The following MCPH1 variants were observed in gnomAD, a reference collection of about 807,000 sequenced individuals.
MCPH1 encodes microcephalin 1, also known as microcephalin.
Under a neutral mutation model 84.5 loss-of-function variants are expected in MCPH1, and 104 were observed. The observed-to-expected ratio is 1.23, with a 90% CI of 1.05 to 1.45. The LOEUF (loss-of-function observed/expected upper bound fraction) is 1.45. Ranked by LOEUF, MCPH1 falls within the 40% of genes most tolerant of loss-of-function variation. The pLI is 0.00. For synonymous variants in MCPH1, 514 were observed against 366.8 expected (o/e 1.40, Z -4.58); for missense variants, 1,498 against 1,005.7 (o/e 1.49, Z -6.62).
chr8:6,437,896 C>T (rs569599025), intron 5 of MCPH1, among the ~76,000 whole-genome samples: 1 of 152,206 alleles, frequency 6.6e-6, no homozygotes, highest in African/African-American at 2.4e-5. Context: ...TTACGCTGCC[C>T]TCCACTGTCT....
At position 6,592,639 on chromosome 8, in the gene MCPH1, T is replaced by C. The variant is rs866992130; in HGVS notation, c.2215-28815T>C. ...CTTTTTTTTGTTTTTTTTTTTTTTT[T>C]TTTTGTTGCTGTTGTTGTTTGTTTG... On this transcript the variant is annotated intron_variant, in intron 12 of 13. Transcript: ENST00000344683. Among the ~76,000 whole-genome samples the C allele has an allele frequency of 5.7e-5, 8 of 141,186 alleles. No homozygotes were observed. In the East Asian group the frequency reaches 1.6e-3, roughly 29 times the overall value. The allele number at this position is 141,186 out of a possible 152,430, so 92.6% of individuals were successfully genotyped here.
intron 11 of MCPH1, among the ~76,000 whole-genome samples, chr8:6,493,397 T>C (rs899176879): frequency 2.6e-5 from 4 of 152,224 alleles, no homozygotes; most frequent in Non-Finnish European, 4.4e-5. Context: ...TAGGTCAACA[T>C]GCAGCTTGTT....
At chr8:6,545,861 G>C (rs1327164955) in intron 12 of MCPH1, among the ~76,000 whole-genome samples, 3 of 152,210 alleles carry the variant, frequency 2.0e-5, no homozygotes, top group Admixed American at 2.0e-4. Flanking sequence ...ATTGAATTTA[G>C]TTCTGCTTTG....
At chr8:6,439,308 A>T (rs556675974) in intron 6 of MCPH1, among the ~76,000 whole-genome samples, 1 of 151,132 alleles carries the variant, frequency 6.6e-6, no homozygotes, top group South Asian at 2.1e-4. Context: ...CAAGTTTAAA[A>T]TCCTATTTGT....
chr8:6,539,435 A>G (rs568693287), intron 12 of MCPH1, among the ~76,000 whole-genome samples: 203 of 152,228 alleles, frequency 1.3e-3, no homozygotes, highest in African/African-American at 3.9e-3. Context: ...TCTGGTGCCA[A>G]TTTCCTAGTG....
At chr8:6,522,832 C>A (rs1002040109) in intron 12 of MCPH1, among the ~76,000 whole-genome samples, 2 of 151,798 alleles carry the variant, frequency 1.3e-5, no homozygotes, top group Non-Finnish European at 1.5e-5. Flanking sequence ...CCTAAAGTCA[C>A]ACACAGCAGG....
chr8:6,552,815 CTT>C (rs57835088), intron 12 of MCPH1, among the ~76,000 whole-genome samples: 4 of 146,164 alleles, frequency 2.7e-5, no homozygotes, highest in African/African-American at 5.0e-5. Context: ...GTTATTCCTG[CTT>C]TTTTTTTTTT....
At chr8:6,542,688 G>A (rs1210392426) in intron 12 of MCPH1, among the ~76,000 whole-genome samples, 3 of 151,398 alleles carry the variant, frequency 2.0e-5, no homozygotes, top group Non-Finnish European at 4.4e-5. Flanking sequence ...GGCCTTTTAC[G>A]TCTCCTCTCT....
At chr8:6,411,902 G>A (rs1225132889) in intron 2 of MCPH1, among the ~76,000 whole-genome samples, 2 of 152,122 alleles carry the variant, frequency 1.3e-5, no homozygotes, top group Admixed American at 1.3e-4. Flanking sequence ...AGGGAGTTTA[G>A]TTATGAACAA....
chr8:6,538,303 C>T (rs1820876249), intron 12 of MCPH1, among the ~76,000 whole-genome samples: 1 of 152,186 alleles, frequency 6.6e-6, no homozygotes, highest in African/African-American at 2.4e-5. Context: ...TTCTACCCCC[C>T]ATGATCCCAT....
chr8:6,513,270 G>C (rs1260824723), intron 12 of MCPH1, among the ~76,000 whole-genome samples: 1 of 151,392 alleles, frequency 6.6e-6, no homozygotes, highest in African/African-American at 2.4e-5. Context: ...TTAAATCATT[G>C]TGTTTCTCAT....
chr8:6,527,138 C>T (rs1455727101), intron 12 of MCPH1, among the ~76,000 whole-genome samples: 1 of 152,164 alleles, frequency 6.6e-6, no homozygotes, highest in Non-Finnish European at 1.5e-5. Flanking sequence ...GTGGTTCTTT[C>T]ACTCCACAGC....
At chr8:6,465,045 G>C (rs1469293695) in intron 9 of MCPH1, among the ~76,000 whole-genome samples, 1 of 151,940 alleles carries the variant, frequency 6.6e-6, no homozygotes, top group African/African-American at 2.4e-5. Flanking sequence ...TCTATGCACT[G>C]AGCAAAGGAG....
At chr8:6,467,563 C>T (rs1208170557) in intron 9 of MCPH1, among the ~76,000 whole-genome samples, 2 of 151,988 alleles carry the variant, frequency 1.3e-5, no homozygotes, top group Non-Finnish European at 2.9e-5. Context: ...AGGAATGAAA[C>T]AGTTTACAGG....
intron 13 of MCPH1, chr8:6,622,350 G>A (rs1221816692): frequency 1.3e-5 from 2 of 156,586 alleles, no homozygotes; most frequent in Non-Finnish European, 2.8e-5. Context: ...CGGGCTCCAG[G>A]AGACTTGCAG....
intron 9 of MCPH1, among the ~76,000 whole-genome samples, chr8:6,475,805 C>G (rs1176952650): frequency 6.6e-6 from 1 of 152,136 alleles, no homozygotes; most frequent in Non-Finnish European, 1.5e-5. Context: ...CAGGATCACA[C>G]AGCAACTGAG....
At chr8:6,633,067 C>CATAG (rs1797284687) in intron 13 of MCPH1, among the ~76,000 whole-genome samples, 2 of 151,282 alleles carry the variant, frequency 1.3e-5, no homozygotes, top group African/African-American at 2.4e-5. Context: ...AGATAACTTT[C>CATAG]TTAACTATGG....
rs11137041 is a variant in MCPH1, at chr8:6,621,761, G to T, written c.2452+70G>T. ...TGGACAGGTTTCCAGGGAGGGCGGCGTCAGGCTCACACCCCCTTCCACGCA... is the reference window on the plus strand; with the variant it reads ...TGGACAGGTTTCCAGGGAGGGCGGCTTCAGGCTCACACCCCCTTCCACGCA... On this transcript the variant is annotated intron_variant, in intron 13 of 13. Coordinates refer to ENST00000344683, the MANE Select transcript of MCPH1 (RefSeq NM_024596.5). 0.36 allele frequency: 577,020 copies of T among 1,604,864 alleles called. 104,833 individuals are homozygous for T. Among genetic ancestry groups the T allele is most frequent in the East Asian group, 0.45 (20,034 of 44,806 alleles).
Position 6,613,479 on chromosome 8 carries a change from G to C in MCPH1, c.2215-7975G>C, listed in dbSNP as rs190656516. Among the ~76,000 whole-genome samples the C allele has an allele frequency of 1.4e-4, 21 of 152,216 alleles. No homozygotes were observed. In the East Asian group the frequency reaches 3.9e-3, roughly 28 times the overall value. ...TGGTGGGCTGTGTGCTGGTTTAGGG[G>C]CTGGGACATGGAGGGGTGAAGGCGG... On this transcript the variant is annotated intron_variant, in intron 12 of 13. Coordinates refer to ENST00000344683, the MANE Select transcript of MCPH1 (RefSeq NM_024596.5).
Sources: gnomAD v4.1 joint callset for allele counts (sites outside exome capture counted in the v4.1 genomes callset) on GRCh38, gnomAD v4.1.1 for gene constraint, MANE v1.5 for transcripts, NCBI Gene and HGNC (gene_info 2026-07-23, HGNC 2026-07-21) for gene names.